CBL: variants seen among roughly 807,000 people sequenced by gnomAD.
The protein encoded by CBL is E3 ubiquitin-protein ligase CBL.
Under a neutral mutation model 96.9 loss-of-function variants are expected in CBL, and 45 were observed. The observed-to-expected ratio is 0.46, with a 90% CI of 0.37 to 0.60. CBL has a LOEUF of 0.60. Ranked by LOEUF, CBL falls within the 20% of genes least tolerant of loss-of-function variation. The pLI is 0.00. For missense variants in CBL, 1,024 were observed against 1,143.5 expected, an observed-to-expected ratio of 0.90 and a Z score of 1.51; for synonymous variants, 420 against 426.8, an observed-to-expected ratio of 0.98 and a Z score of 0.20.
At chr11:119,249,517 A>ACT (rs1949655312) in intron 2 of CBL, among the ~76,000 whole-genome samples, 1 of 146,502 alleles carries the variant, frequency 6.8e-6, no homozygotes, top group South Asian at 2.2e-4. Flanking sequence ...ACGCCACTGC[A>ACT]CTCCAGCGTG....
At chr11:119,237,755 A>G (rs1015604203) in intron 2 of CBL, among the ~76,000 whole-genome samples, 3 of 152,208 alleles carry the variant, frequency 2.0e-5, no homozygotes, top group Non-Finnish European at 4.4e-5. Context: ...ATCTATCTTA[A>G]TGCTAGTACC....
Position 119,301,054 on chromosome 11 carries a change from T to C in CBL, c.*1273T>C, listed in dbSNP as rs1291838400. 8.6e-6 allele frequency: 2 copies of C among 233,338 alleles called. No individual in the cohort carries two copies. Among genetic ancestry groups the C allele is most frequent in the Non-Finnish European group, 1.7e-5 (2 of 118,152 alleles). The allele number at this position is 233,338 out of a possible 1,614,324, so 14.5% of individuals were successfully genotyped here. On this transcript the variant is annotated 3_prime_UTR_variant, in exon 16 of 16. Coordinates refer to ENST00000264033, the MANE Select transcript of CBL (RefSeq NM_005188.4). ...TAATGTCCACGGTGGCCCAGCCTCT[T>C]GCTGATGGCACCTTCCCTGCATTGC...
chr11:119,254,540 G>A (rs1949696204), intron 2 of CBL, among the ~76,000 whole-genome samples: 1 of 152,038 alleles, frequency 6.6e-6, no homozygotes, highest in Non-Finnish European at 1.5e-5. Context: ...ACAATGGTAA[G>A]TATGTATTTT....
intron 2 of CBL, 133 bp downstream of exon 2, chr11:119,232,828 A>G (rs955744538): frequency 2.2e-6 from 2 of 905,708 alleles, no homozygotes; most frequent in African/African-American, 3.3e-5. Context: ...TTAAAGGTAT[A>G]GTTTATATAA....
At position 119,270,515 on chromosome 11, in the gene CBL, C is replaced by T. The variant is rs1284239002; in HGVS notation, c.444-1220C>T. ...AGGCTGGAGTGCAGTGGCGGGATCT[C>T]GGCTCACTGCAAGCTCCGCCTCCCG... On this transcript the variant is annotated intron_variant, in intron 2 of 15. Transcript: ENST00000264033. Among the ~76,000 whole-genome samples the T allele has an allele frequency of 8.7e-5, 11 of 126,738 alleles. No individual in the cohort carries two copies. The South Asian group carries it at 1.0e-3, about 12-fold the overall frequency. 83.1% of individuals were successfully genotyped at this position (126,738 alleles called of 152,430 possible).
chr11:119,307,930 A>G lies in CBL; in HGVS notation c.*8149A>G, dbSNP rs11243. The G allele has an allele frequency of 0.033, 6,480 of 199,352 alleles. 150 individuals are homozygous for G. Among genetic ancestry groups the G allele is most frequent in the Middle Eastern group, 0.071 (41 of 574 alleles). The allele number at this position is 199,352 out of a possible 1,614,324, so 12.3% of individuals were successfully genotyped here. ...ACCTGTAAAGAATAAGAAAAACAGA[A>G]GGTAAATATTCTTACAGAGAATAGC... On this transcript the variant is annotated 3_prime_UTR_variant, in exon 16 of 16. Transcript: ENST00000264033.
rs777706327 is a variant in CBL at position 119,284,929 on chromosome 11, C to G, written c.1432-40C>G. ...AGGAGAGTTGAAAGATGCCATTTCC[C>G]CAAACGAAAGTAATCTGTTAAATTT... is the stretch of plus-strand genomic sequence containing the variant. On this transcript the variant is annotated intron_variant, in intron 9 of 15. Coordinates refer to ENST00000264033, the MANE Select transcript of CBL (RefSeq NM_005188.4). The G allele has an allele frequency of 1.9e-6, 3 of 1,612,432 alleles. No homozygotes were observed. The South Asian group carries it at 3.3e-5, about 18-fold the overall frequency.
intron 1 of CBL, among the ~76,000 whole-genome samples, chr11:119,215,089 T>C (rs1282167445): frequency 3.3e-5 from 5 of 152,120 alleles, no homozygotes; most frequent in African/African-American, 1.2e-4. Context: ...GAGTATTTCA[T>C]GTAATCAGCA....
intron 2 of CBL, among the ~76,000 whole-genome samples, chr11:119,248,930 A>G (rs118147684): frequency 5.9e-5 from 9 of 152,240 alleles, no homozygotes; most frequent in Non-Finnish European, 1.3e-4. Flanking sequence ...CCACAATGAG[A>G]TACCACTTCA....
intron 12 of CBL, among the ~76,000 whole-genome samples, chr11:119,294,993 A>G (rs1019867584): frequency 6.6e-6 from 1 of 152,200 alleles, no homozygotes; most frequent in South Asian, 2.1e-4. Context: ...TTCTGTTGCA[A>G]TGATTTTCAA....
At chr11:119,262,011 A>G (rs1949758470) in intron 2 of CBL, among the ~76,000 whole-genome samples, 1 of 152,194 alleles carries the variant, frequency 6.6e-6, no homozygotes, top group African/African-American at 2.4e-5. Flanking sequence ...AGAAGTAAAT[A>G]TTTTTCACTA....
chr11:119,219,731 T>C (rs1208373305), intron 1 of CBL, among the ~76,000 whole-genome samples: 2 of 151,842 alleles, frequency 1.3e-5, no homozygotes, highest in Admixed American at 1.3e-4. Context: ...TTGTCCAGGA[T>C]GGAGTGCAGT....
At chr11:119,284,164 C>T (rs764734324) in intron 9 of CBL, among the ~76,000 whole-genome samples, 2 of 151,994 alleles carry the variant, frequency 1.3e-5, no homozygotes, top group Non-Finnish European at 2.9e-5. Flanking sequence ...TACCGACTCT[C>T]ATCTTCTTTC....
chr11:119,216,778 T>C (rs939852312), intron 1 of CBL, among the ~76,000 whole-genome samples: 25 of 152,300 alleles, frequency 1.6e-4, no homozygotes, highest in Non-Finnish European at 1.9e-4. Context: ...AGTCTCCTTT[T>C]ACCCCCATAC....
At chr11:119,248,048 T>C (rs1385095165) in intron 2 of CBL, among the ~76,000 whole-genome samples, 1 of 152,192 alleles carries the variant, frequency 6.6e-6, no homozygotes, top group Non-Finnish European at 1.5e-5. Context: ...GGTTGCAGTA[T>C]TCCCCATGTT....
At chr11:119,217,650 A>G (rs1431155118) in intron 1 of CBL, among the ~76,000 whole-genome samples, 1 of 152,290 alleles carries the variant, frequency 6.6e-6, no homozygotes, top group Non-Finnish European at 1.5e-5. Flanking sequence ...GGAAGGCTGT[A>G]TGCCACAGTT....
chr11:119,275,033 C>T, intron 5 of CBL, 80 bp downstream of exon 5: 1 of 1,506,116 alleles, frequency 6.6e-7, no homozygotes, highest in South Asian at 1.1e-5. Context: ...AGAAACATGA[C>T]CTTAATTAGT....
intron 1 of CBL, among the ~76,000 whole-genome samples, chr11:119,231,931 C>T (rs35985698): frequency 6.8e-6 from 1 of 147,218 alleles, no homozygotes; most frequent in Non-Finnish European, 1.5e-5. Context: ...CAACATGTCT[C>T]TAAAAAAAAA....
At chr11:119,263,588 G>C (rs1949771337) in intron 2 of CBL, among the ~76,000 whole-genome samples, 1 of 152,150 alleles carries the variant, frequency 6.6e-6, no homozygotes, top group African/African-American at 2.4e-5. Flanking sequence ...TTAGTAAAAA[G>C]GGCCATTGCT....
Sources: allele counts gnomAD v4.1 joint callset (sites outside exome capture counted in the v4.1 genomes callset), GRCh38; gene constraint gnomAD v4.1.1; transcripts MANE v1.5; gene names NCBI Gene and HGNC (gene_info 2026-07-23, HGNC 2026-07-21).